Variants in PTBP2 observed in about 807,000 individuals in gnomAD.
PTBP2 encodes the protein polypyrimidine tract binding protein 2, also known as polypyrimidine tract-binding protein 2.
Under a neutral mutation model 61.4 loss-of-function variants are expected in PTBP2, and 13 were observed. That is an observed-to-expected ratio of 0.21 (90% CI 0.14 to 0.34). The LOEUF is 0.34. PTBP2 is among the 10% of genes least tolerant of loss of function. The pLI, the probability that PTBP2 is intolerant of heterozygous loss-of-function variation, is 1.00. For missense variants in PTBP2, 405 were observed against 642.6 expected, an observed-to-expected ratio of 0.63 and a Z score of 4.00; for synonymous variants, 215 against 218.5, an observed-to-expected ratio of 0.98 and a Z score of 0.14.
intron 7 of PTBP2, among the ~76,000 whole-genome samples, chr1:96,782,682 A>G (rs1570932153): frequency 6.6e-6 from 1 of 152,166 alleles, no homozygotes; most frequent in African/African-American, 2.4e-5. Flanking sequence ...AATATTAAAA[A>G]GTAGATATTT....
chr1:96,740,444 C>CTCTCATGA (rs1652847384), intron 2 of PTBP2, among the ~76,000 whole-genome samples: 2 of 152,170 alleles, frequency 1.3e-5, no homozygotes, highest in Admixed American at 1.3e-4. Context: ...GAAGGCCTTA[C>CTCTCATGA]TCTCATGATC....
chr1:96,816,707 C>A (rs1029749047), downstream of PTBP2: 5 of 152,106 alleles, frequency 3.3e-5, no homozygotes, highest in Non-Finnish European at 7.4e-5. Context: ...TCATGTACAT[C>A]TATTTGTATC....
At chr1:96,752,626 T>C (rs1654693185) in intron 3 of PTBP2, among the ~76,000 whole-genome samples, 8 of 152,090 alleles carry the variant, frequency 5.3e-5, no homozygotes. Context: ...ATTGAACAAA[T>C]AGGCAGAAGT....
At chr1:96,771,326 A>G (rs1170660696) in intron 5 of PTBP2, 1 of 152,602 alleles carries the variant, frequency 6.6e-6, no homozygotes, top group Non-Finnish European at 1.5e-5. Context: ...TATTGTTTAA[A>G]ATTAATGTAT....
At position 96,721,799 on chromosome 1, in the gene PTBP2, G is replaced by T; in HGVS notation, c.-66G>T. 2 of 1,546,612 alleles carry T rather than the reference G, an allele frequency of 1.3e-6. No homozygotes were observed. The highest frequency in any genetic ancestry group is 2.5e-5 in the East Asian group (1 of 40,488). ...GTCGGGCCCCAGCCGCCATTTTCTC[G>T]CCGCTTGTGTGGCTCGCTGGCTGCG... On this transcript the variant is annotated 5_prime_UTR_variant, in exon 1 of 14. Transcript: ENST00000674951.
At chr1:96,758,067 A>G (rs1208678081) in intron 3 of PTBP2, among the ~76,000 whole-genome samples, 1 of 152,096 alleles carries the variant, frequency 6.6e-6, no homozygotes, top group African/African-American at 2.4e-5. Flanking sequence ...GTATAATAGT[A>G]TAACATAAAT....
At chr1:96,780,338 G>C (rs273870) in intron 7 of PTBP2, among the ~76,000 whole-genome samples, 1 of 151,320 alleles carries the variant, frequency 6.6e-6, no homozygotes, top group African/African-American at 2.4e-5. Context: ...ATAACTCTAC[G>C]TACTTTCTAT....
intron 2 of PTBP2, among the ~76,000 whole-genome samples, chr1:96,749,328 T>C (rs2100901166): frequency 6.6e-6 from 1 of 152,254 alleles, no homozygotes; most frequent in East Asian, 1.9e-4. Flanking sequence ...AATTCACAAA[T>C]AGTCAAACAT....
chr1:96,787,560 G>A (rs1659350074), intron 8 of PTBP2, among the ~76,000 whole-genome samples: 1 of 151,946 alleles, frequency 6.6e-6, no homozygotes, highest in African/African-American at 2.4e-5. Context: ...TTATAACTGG[G>A]CTTTTTAACT....
At chr1:96,772,985 TG>T (rs1456468486) in intron 5 of PTBP2, among the ~76,000 whole-genome samples, 2 of 150,074 alleles carry the variant, frequency 1.3e-5, no homozygotes, top group African/African-American at 4.9e-5. Context: ...TAGCCAGGCA[TG>T]GTGCCAGGTG....
chr1:96,817,478 C>A (rs1266754509), downstream of PTBP2: 1 of 151,970 alleles, frequency 6.6e-6, no homozygotes, highest in African/African-American at 2.4e-5. Context: ...TTTCTAGTTT[C>A]AGATTTTGCA....
At chr1:96,809,847 T>G (rs548899008) in intron 11 of PTBP2, among the ~76,000 whole-genome samples, 1 of 152,076 alleles carries the variant, frequency 6.6e-6, no homozygotes, top group Non-Finnish European at 1.5e-5. Context: ...GTTTTAACTT[T>G]AAGAATAACA....
chr1:96,763,410 C>T lies in PTBP2; in HGVS notation c.116-6293C>T, dbSNP rs533778079. Among the ~76,000 whole-genome samples, 613 of 152,032 alleles carry T rather than the reference C, an allele frequency of 4.0e-3. 16 individuals carry two copies. Among genetic ancestry groups the T allele is most frequent in the Middle Eastern group, 0.031 (9 of 294 alleles). ...GGCCAACACAGCGAAACCCCGTCTC[C>T]ACCAAAAAAATACGAAAACCAGTCA... On this transcript the variant is annotated intron_variant, in intron 3 of 13. Transcript: ENST00000674951.
intron 8 of PTBP2, among the ~76,000 whole-genome samples, chr1:96,786,558 T>C (rs1453844277): frequency 1.3e-5 from 2 of 152,214 alleles, no homozygotes; most frequent in Non-Finnish European, 2.9e-5. Flanking sequence ...TTTTTGCTTA[T>C]AATTATTACT....
chr1:96,801,097 C>G (rs1430161579), intron 8 of PTBP2, among the ~76,000 whole-genome samples: 2 of 151,896 alleles, frequency 1.3e-5, no homozygotes, highest in Non-Finnish European at 2.9e-5. Flanking sequence ...AAGTATTAAC[C>G]TTAGGCTGGT....
At chr1:96,821,622 T>TTTATTA (rs139327400) in exon 14 of PTBP2, 63 of 151,182 alleles carry the variant, frequency 4.2e-4, no homozygotes, top group Non-Finnish European at 7.5e-4. Flanking sequence ...AACATTTGCT[T>TTTATTA]TTATTATTAT....
chr1:96,790,742 T>C (rs1659701652), intron 8 of PTBP2, among the ~76,000 whole-genome samples: 1 of 152,194 alleles, frequency 6.6e-6, no homozygotes, highest in East Asian at 1.9e-4. Context: ...TTTAAACTTT[T>C]GAAACTGTCA....
intron 9 of PTBP2, among the ~76,000 whole-genome samples, chr1:96,805,374 T>A (rs1447579826): frequency 6.6e-6 from 1 of 152,186 alleles, no homozygotes; most frequent in Non-Finnish European, 1.5e-5. Flanking sequence ...TGAACTACTC[T>A]AATACATTTT....
chr1:96,804,625 TTAC>T (rs1661330555), intron 8 of PTBP2, among the ~76,000 whole-genome samples, 172 bp from the exon 9 acceptor site: 2 of 152,214 alleles, frequency 1.3e-5, no homozygotes, highest in Non-Finnish European at 1.5e-5. Flanking sequence ...TTATTTTTCT[TTAC>T]TACACATCAG....
Sources: allele counts gnomAD v4.1 joint callset (sites outside exome capture counted in the v4.1 genomes callset), GRCh38; gene constraint gnomAD v4.1.1; transcripts MANE v1.5; gene names NCBI Gene and HGNC (gene_info 2026-07-23, HGNC 2026-07-21).